MTUS1: variants seen among roughly 807,000 people sequenced by gnomAD.
MTUS1 encodes microtubule associated scaffold protein 1.
Under a neutral mutation model 120.8 loss-of-function variants are expected in MTUS1, and 109 were observed. The observed-to-expected ratio is 0.90, with a 90% confidence interval of 0.77 to 1.06. The LOEUF (loss-of-function observed/expected upper bound fraction) is 1.06, where lower values mean the gene tolerates loss of function less well. Ranked by LOEUF, MTUS1 falls within the 50% of genes least tolerant of loss-of-function variation. The pLI is 0.00. For synonymous variants in MTUS1, 737 were observed against 550.5 expected, an observed-to-expected ratio of 1.34 and a Z score of -4.74; for missense variants, 2,210 against 1,486.3, an observed-to-expected ratio of 1.49 and a Z score of -8.01.
chr8:17,760,643 G>A (rs972225625), intron 1 of MTUS1, among the ~76,000 whole-genome samples: 7 of 152,048 alleles, frequency 4.6e-5, no homozygotes, highest in South Asian at 2.1e-4. Context: ...CCACTTGCTC[G>A]ACATATATAT....
At chr8:17,649,754 T>C (rs1806580224) in intron 13 of MTUS1, 92 bp downstream of exon 13, 4 of 726,442 alleles carry the variant, frequency 5.5e-6, no homozygotes, top group Non-Finnish European at 9.8e-6. Flanking sequence ...TTAGGAGCAG[T>C]TAACCCAACT....
intron 6 of MTUS1, among the ~76,000 whole-genome samples, chr8:17,687,313 G>C (rs963305347): frequency 1.3e-5 from 2 of 152,014 alleles, no homozygotes; most frequent in Non-Finnish European, 2.9e-5. Flanking sequence ...CAGCACTCCT[G>C]GCTCAGCTGA....
chr8:17,667,417 T>A (rs1364051882), intron 8 of MTUS1, among the ~76,000 whole-genome samples: 1 of 152,226 alleles, frequency 6.6e-6, no homozygotes, highest in Admixed American at 6.5e-5. Flanking sequence ...TACATAGCCT[T>A]GTTAAACCAA....
chr8:17,684,768 C>G (rs1339755470), intron 6 of MTUS1, among the ~76,000 whole-genome samples: 1 of 152,148 alleles, frequency 6.6e-6, no homozygotes, highest in African/African-American at 2.4e-5. Context: ...TTATGGGGAA[C>G]AGAGAATTAG....
intron 7 of MTUS1, among the ~76,000 whole-genome samples, chr8:17,683,255 G>A (rs556815604): frequency 1.3e-5 from 2 of 152,140 alleles, no homozygotes; most frequent in African/African-American, 4.8e-5. Flanking sequence ...CTGGGCGACA[G>A]AGTGAGAGTC....
intron 1 of MTUS1, among the ~76,000 whole-genome samples, chr8:17,796,895 T>G (rs988451643): frequency 6.6e-6 from 1 of 152,244 alleles, no homozygotes; most frequent in South Asian, 2.1e-4. Context: ...GGCAATCACT[T>G]GAGGTCAGGA....
chr8:17,696,862 A>T (rs7017657), intron 6 of MTUS1, among the ~76,000 whole-genome samples: 2,833 of 150,750 alleles, frequency 0.019, 81 homozygotes, highest in African/African-American at 0.064. Context: ...ATCCAATGAA[A>T]AACGATGGGA....
chr8:17,765,642 T>C (rs1369827659), intron 1 of MTUS1, among the ~76,000 whole-genome samples: 3 of 137,088 alleles, frequency 2.2e-5, no homozygotes, highest in Non-Finnish European at 3.1e-5. Context: ...AAAGACTAGC[T>C]GTCATCTATA....
chr8:17,797,066 C>G (rs968723539), intron 1 of MTUS1, among the ~76,000 whole-genome samples: 2 of 151,752 alleles, frequency 1.3e-5, no homozygotes, highest in Non-Finnish European at 2.9e-5. Context: ...GAGCTGAGAT[C>G]GCACGCACCA....
intron 1 of MTUS1, among the ~76,000 whole-genome samples, chr8:17,756,492 C>G (rs2048619099): frequency 6.6e-6 from 1 of 152,024 alleles, no homozygotes; most frequent in Non-Finnish European, 1.5e-5. Context: ...ACTCACGTTT[C>G]TCCTTTGTTT....
chr8:17,772,172 C>A (rs751069871), intron 1 of MTUS1, among the ~76,000 whole-genome samples: 1 of 152,104 alleles, frequency 6.6e-6, no homozygotes, highest in Non-Finnish European at 1.5e-5. Flanking sequence ...AATTTTTATC[C>A]TTGAAATGGC....
chr8:17,734,944 C>T (rs1326645707), intron 3 of MTUS1, among the ~76,000 whole-genome samples: 1 of 151,712 alleles, frequency 6.6e-6, no homozygotes, highest in African/African-American at 2.4e-5. Flanking sequence ...CAGAGGGTCT[C>T]GCTCTGTCAC....
intron 6 of MTUS1, among the ~76,000 whole-genome samples, chr8:17,696,685 G>A (rs1351403615): frequency 6.6e-6 from 1 of 152,136 alleles, no homozygotes; most frequent in Non-Finnish European, 1.5e-5. Flanking sequence ...AACCTCAGGG[G>A]AAGTATTTTG....
intron 1 of MTUS1, among the ~76,000 whole-genome samples, chr8:17,784,408 G>A (rs1249438633): frequency 6.0e-5 from 9 of 149,868 alleles, no homozygotes; most frequent in African/African-American, 2.2e-4. Flanking sequence ...TGATTCTCCA[G>A]CCTCAGCCTC....
intron 2 of MTUS1, among the ~76,000 whole-genome samples, chr8:17,753,203 T>C (rs889077652): frequency 5.3e-5 from 8 of 152,194 alleles, no homozygotes; most frequent in African/African-American, 7.2e-5. Context: ...AAAATCATTA[T>C]TGGCCGGTCA....
intron 6 of MTUS1, among the ~76,000 whole-genome samples, chr8:17,694,721 C>T (rs571152893): frequency 1.7e-4 from 26 of 152,174 alleles, no homozygotes; most frequent in Admixed American, 9.8e-4. Flanking sequence ...GATGACCAGA[C>T]ACATGGTGTC....
At chr8:17,758,943 G>A (rs1056427283) in intron 1 of MTUS1, among the ~76,000 whole-genome samples, 5 of 152,166 alleles carry the variant, frequency 3.3e-5, no homozygotes, top group African/African-American at 7.2e-5. Flanking sequence ...GTGCAGTGGC[G>A]CGATCTCGGC....
chr8:17,722,478 A>C lies in MTUS1; in HGVS notation c.2449+1194T>G, dbSNP rs115039639. The C allele has an allele frequency of 2.1e-3, 2,069 of 985,354 alleles. 31 individuals are homozygous for C. The African/African-American group carries it at 0.033, about 16-fold the overall frequency. The allele number at this position is 985,354 out of a possible 1,614,324, so 61.0% of individuals were successfully genotyped here. On this transcript the variant is annotated intron_variant, in intron 4 of 14. Coordinates refer to ENST00000693296, the MANE Select transcript of MTUS1 (RefSeq NM_001363059.2). ...AGCCTGATTTTGTGCCACACCTTCA[A>C]AATTCCAACAGTAAAGCTGGTAACA...
chr8:17,721,504 AAG>A (rs1466682465), intron 4 of MTUS1, among the ~76,000 whole-genome samples: 1 of 152,208 alleles, frequency 6.6e-6, no homozygotes, highest in East Asian at 1.9e-4. Flanking sequence ...GAATTATATT[AAG>A]AGTGCAAAAC....
Sources: allele counts gnomAD v4.1 joint callset (sites outside exome capture counted in the v4.1 genomes callset), GRCh38; gene constraint gnomAD v4.1.1; transcripts MANE v1.5; gene names NCBI Gene and HGNC (gene_info 2026-07-23, HGNC 2026-07-21).